Variants in ARHGEF28 observed in about 807,000 individuals in gnomAD.
The protein encoded by ARHGEF28 is 190 kDa guanine nucleotide exchange factor.
A neutral mutation model predicts 206.6 loss-of-function variants in ARHGEF28; 152 were observed. That is an observed-to-expected ratio of 0.74 (90% confidence interval 0.64 to 0.84). ARHGEF28 has a LOEUF of 0.84. Ranked by LOEUF, ARHGEF28 falls within the 40% of genes least tolerant of loss-of-function variation. The pLI, the probability that ARHGEF28 is intolerant of heterozygous loss-of-function variation, is 0.00. For missense variants in ARHGEF28, 2,028 were observed against 2,073.2 expected (o/e 0.98, Z 0.42); for synonymous variants, 763 against 776.4 (o/e 0.98, Z 0.29).
chr5:73,654,581 C>A (rs902891978), intron 1 of ARHGEF28, among the ~76,000 whole-genome samples: 1 of 152,298 alleles, frequency 6.6e-6, no homozygotes, highest in African/African-American at 2.4e-5. Flanking sequence ...AACCAGAAAT[C>A]TGGAATTCAC....
chr5:73,632,480 C>T (rs545783209), intron 1 of ARHGEF28, among the ~76,000 whole-genome samples: 2 of 152,242 alleles, frequency 1.3e-5, no homozygotes, highest in African/African-American at 4.8e-5. Context: ...GACCTCATGA[C>T]CATAAAGATA....
intron 2 of ARHGEF28, among the ~76,000 whole-genome samples, chr5:73,733,175 T>C (rs1750714400): frequency 6.6e-6 from 1 of 152,204 alleles, no homozygotes; most frequent in Admixed American, 6.5e-5. Flanking sequence ...AAGTCCATTG[T>C]ATCATTTTTA....
chr5:73,669,955 G>A (rs1746207763), intron 1 of ARHGEF28, among the ~76,000 whole-genome samples: 1 of 152,210 alleles, frequency 6.6e-6, no homozygotes, highest in Admixed American at 6.5e-5. Context: ...CCACAGTGCT[G>A]GGATTACAGG....
At chr5:73,814,324 C>T (rs952114624) in intron 9 of ARHGEF28, among the ~76,000 whole-genome samples, 3 of 152,024 alleles carry the variant, frequency 2.0e-5, no homozygotes, top group African/African-American at 4.8e-5. Flanking sequence ...AGCCATTTAT[C>T]TGAGCGTGAT....
rs777078308 is a variant in ARHGEF28, at chr5:73,857,735, A to G, written c.1870A>G (p.Ser624Gly). ...SEKYKVSRTF[S>G]FLMNRMTSPR... Reference sequence around the variant, plus strand: ...AAAATATAAAGTGAGTCGAACTTTCAGTTTCCTCATGAATAGGATGACTAG... The same window carrying G: ...AAAATATAAAGTGAGTCGAACTTTCGGTTTCCTCATGAATAGGATGACTAG... The change falls in exon 15 of 36, where the codon AGT becomes GGT. Residue 624 changes from serine (S) to glycine (G), a missense_variant. Ser to Gly is a moderately conservative substitution (Grantham distance 56). Coordinates refer to ENST00000513042, the MANE Select transcript of ARHGEF28 (RefSeq NM_001177693.2). 1 of 1,613,154 alleles carries G rather than the reference A, an allele frequency of 6.2e-7. No homozygotes were observed.
At chr5:73,834,357 A>G (rs778632668) in intron 10 of ARHGEF28, among the ~76,000 whole-genome samples, 2 of 152,154 alleles carry the variant, frequency 1.3e-5, no homozygotes, top group Non-Finnish European at 2.9e-5. Flanking sequence ...TCCAACCCCT[A>G]GTAAGCACTC....
At chr5:73,903,066 C>CT (rs1392567864) in intron 31 of ARHGEF28, 5 of 152,260 alleles carry the variant, frequency 3.3e-5, no homozygotes, top group Non-Finnish European at 7.3e-5. Context: ...TGTCTTTTCT[C>CT]TATCAGAGGG....
intron 22 of ARHGEF28, among the ~76,000 whole-genome samples, chr5:73,880,753 T>G (rs1760869595): frequency 6.6e-6 from 1 of 152,178 alleles, no homozygotes; most frequent in African/African-American, 2.4e-5. Context: ...AGCATCATGA[T>G]GAATCCCTGT....
rs1754990072 is a variant in ARHGEF28, at chr5:73,799,062, C to A, written c.1024+3671C>A. Among the ~76,000 whole-genome samples the A allele has an allele frequency of 2.0e-5, 3 of 152,172 alleles. No homozygotes were observed. In the South Asian group the frequency reaches 6.2e-4, roughly 32 times the overall value. On this transcript the variant is annotated intron_variant, in intron 9 of 35. Transcript: ENST00000513042. The stretch of plus-strand genomic sequence containing the variant: ...GATCGCACCGTTCATTGCACTCCAG[C>A]CTGAGCAACAGAGCGAGACTCCATC...
chr5:73,767,263 G>A (rs1752946865), intron 4 of ARHGEF28, among the ~76,000 whole-genome samples: 1 of 152,106 alleles, frequency 6.6e-6, no homozygotes, highest in African/African-American at 2.4e-5. Context: ...CACTAGAGTG[G>A]GGTGCTGCTG....
Position 73,868,211 on chromosome 5 carries a change from GTCTT to G in ARHGEF28, c.2412_2415del (p.Phe805Ter). ...CCATGGGCTCTTCTCCCTCTACAGA[GTCTT>G]TCATAATGGAAGGTGAGGAGAAGAC... On this transcript the variant is annotated frameshift_variant, in exon 20 of 36. Transcript: ENST00000513042. LOFTEE classifies it high-confidence loss of function. 1 of 1,587,488 alleles carries G rather than the reference GTCTT, an allele frequency of 6.3e-7. No homozygotes were observed. The highest frequency in any genetic ancestry group is 8.6e-7 in the Non-Finnish European group (1 of 1,165,716).
At chr5:73,724,638 A>C (rs907162748) in intron 2 of ARHGEF28, among the ~76,000 whole-genome samples, 5 of 152,228 alleles carry the variant, frequency 3.3e-5, no homozygotes, top group Admixed American at 2.6e-4. Context: ...CCAAGATGTC[A>C]TATAATTGGA....
rs368576535 is a variant in ARHGEF28 at position 73,864,824 on chromosome 5, T to A, written c.2055T>A (p.Asn685Lys). 196 of 1,612,868 alleles carry A rather than the reference T, an allele frequency of 1.2e-4. 1 individual carries two copies. Among genetic ancestry groups the A allele is most frequent in the Non-Finnish European group, 1.4e-4 (160 of 1,179,370 alleles). The change falls in exon 17 of 36, where the codon AAT becomes AAA. Residue 685 changes from asparagine (N) to lysine (K), a missense_variant. Asn to Lys is a moderately conservative substitution (Grantham distance 94). Coordinates refer to ENST00000513042, the MANE Select transcript of ARHGEF28 (RefSeq NM_001177693.2). ...CTTTTCCCTTTATTTCAGACTGTAA[T>A]GCAAATGTGCACAAAGGTTGTAAAG... ...GKESLQCSNC[N>K]ANVHKGCKDA...
At chr5:73,906,440 C>G (rs1333533825) in intron 33 of ARHGEF28, among the ~76,000 whole-genome samples, 1 of 152,168 alleles carries the variant, frequency 6.6e-6, no homozygotes, top group African/African-American at 2.4e-5. Context: ...AGGCTGCAGT[C>G]TAACTCCTGG....
chr5:73,715,996 C>G (rs1749562499), intron 2 of ARHGEF28, among the ~76,000 whole-genome samples: 2 of 152,170 alleles, frequency 1.3e-5, no homozygotes. Flanking sequence ...GAGGCGTTAT[C>G]AGTTTAATTT....
intron 4 of ARHGEF28, among the ~76,000 whole-genome samples, chr5:73,766,163 A>G (rs892018852): frequency 1.0e-4 from 15 of 150,044 alleles, no homozygotes; most frequent in Non-Finnish European, 1.8e-4. Context: ...CAAAAAAAAA[A>G]AAACAAAAAA....
chr5:73,653,645 A>G (rs756405561), intron 1 of ARHGEF28, among the ~76,000 whole-genome samples: 1 of 152,204 alleles, frequency 6.6e-6, no homozygotes, highest in South Asian at 2.1e-4. Context: ...TCTGTGCTCC[A>G]TGCATGTGCT....
At position 73,886,095 on chromosome 5, in the gene ARHGEF28, C is replaced by A; in HGVS notation, c.3301C>A (p.Arg1101Ser). The change falls in exon 25 of 36, where the codon CGT (arginine) becomes AGT (serine). Residue 1101 changes from arginine to serine, a missense_variant. By Grantham distance (110) the Arg-to-Ser change is moderately radical (BLOSUM62 -1). Coordinates refer to ENST00000513042, the MANE Select transcript of ARHGEF28 (RefSeq NM_001177693.2). ...TGTTTACTGGAAAACTGCTACAGGT[C>A]GTTTCAAAGGTACTGTGGCTCTACC... is the stretch of plus-strand genomic sequence containing the variant. ...GLVYWKTATG[R>S]FKDILALLLT... The A allele has an allele frequency of 6.2e-7, 1 of 1,612,032 alleles. No homozygotes were observed. The highest frequency in any genetic ancestry group is 1.1e-5 in the South Asian group (1 of 90,586).
Position 73,909,765 on chromosome 5 carries a change from G to A in ARHGEF28, c.4515G>A (p.Glu1505=). ...LQLQEYQHSL[E]RLREGQRLVE... Reference sequence around the variant, plus strand: ...TCCAGGAGTACCAGCACAGCCTGGAGCGGCTGAGGGAGGGCCAGCGCCTGG... The same window carrying A: ...TCCAGGAGTACCAGCACAGCCTGGAACGGCTGAGGGAGGGCCAGCGCCTGG... The change falls in exon 34 of 36, where the codon GAG becomes GAA. Residue 1505 remains glutamate, a synonymous_variant. Coordinates refer to ENST00000513042, the MANE Select transcript of ARHGEF28 (RefSeq NM_001177693.2). 1 of 1,511,714 alleles carries A rather than the reference G, an allele frequency of 6.6e-7. No individual in the cohort carries two copies. Among genetic ancestry groups the A allele is most frequent in the Admixed American group, 2.1e-5 (1 of 47,648 alleles). The allele number at this position is 1,511,714 out of a possible 1,614,324, so 93.6% of individuals were successfully genotyped here.
Sources: allele counts gnomAD v4.1 joint callset (sites outside exome capture counted in the v4.1 genomes callset), GRCh38; gene constraint gnomAD v4.1.1; transcripts MANE v1.5; gene names NCBI Gene and HGNC (gene_info 2026-07-23, HGNC 2026-07-21).